The following COL23A1 variants were observed in gnomAD, a reference collection of about 807,000 sequenced individuals.
COL23A1 encodes the protein collagen type XXIII alpha 1 chain.
Under a neutral mutation model 99.3 loss-of-function variants are expected in COL23A1, and 97 were observed. That is an observed-to-expected ratio of 0.98 (90% confidence interval 0.83 to 1.16). The LOEUF (loss-of-function observed/expected upper bound fraction) is 1.16. Among genes scored for constraint, COL23A1 ranks in the 50% most tolerant of loss-of-function variants. COL23A1 has a pLI of 0.00. For synonymous variants in COL23A1, 320 were observed against 308.2 expected (o/e 1.04, Z -0.40); for missense variants, 762 against 757.4 (o/e 1.01, Z -0.07).
chr5:178,537,370 C>T (rs1405602127), intron 2 of COL23A1, among the ~76,000 whole-genome samples: 1 of 152,232 alleles, frequency 6.6e-6, no homozygotes, highest in South Asian at 2.1e-4. Flanking sequence ...TCAGAAACCA[C>T]TGGCCTCAGC....
At chr5:178,393,441 T>C (rs1359342535) in intron 2 of COL23A1, among the ~76,000 whole-genome samples, 1 of 152,160 alleles carries the variant, frequency 6.6e-6, no homozygotes, top group African/African-American at 2.4e-5. Flanking sequence ...ATGTAAACAG[T>C]TCTGATGATG....
intron 2 of COL23A1, among the ~76,000 whole-genome samples, chr5:178,559,228 G>A (rs1333471327): frequency 2.0e-5 from 3 of 152,160 alleles, no homozygotes; most frequent in South Asian, 2.1e-4. Context: ...CCTCAGAGAC[G>A]GAATTTTCAC....
At chr5:178,254,278 C>A (rs1765188984) in intron 16 of COL23A1, among the ~76,000 whole-genome samples, 1 of 128,060 alleles carries the variant, frequency 7.8e-6, no homozygotes. Context: ...TGCCACGCCA[C>A]ACCACGCCAC....
At chr5:178,456,404 A>C (rs1218148790) in intron 2 of COL23A1, among the ~76,000 whole-genome samples, 1 of 152,218 alleles carries the variant, frequency 6.6e-6, no homozygotes, top group Non-Finnish European at 1.5e-5. Flanking sequence ...ACAGTCAAAA[A>C]ACTCGAGAGT....
chr5:178,408,039 C>T (rs1764855450), intron 2 of COL23A1, among the ~76,000 whole-genome samples: 1 of 152,186 alleles, frequency 6.6e-6, no homozygotes, highest in Non-Finnish European at 1.5e-5. Context: ...CAAGAAATAT[C>T]ACAGTCAACT....
chr5:178,426,475 A>G (rs934568935), intron 2 of COL23A1, among the ~76,000 whole-genome samples: 1 of 152,174 alleles, frequency 6.6e-6, no homozygotes, highest in African/African-American at 2.4e-5. Context: ...CGCATGTCCC[A>G]CTGCCGGACA....
chr5:178,537,479 T>C (rs1249612701), intron 2 of COL23A1, among the ~76,000 whole-genome samples: 1 of 152,050 alleles, frequency 6.6e-6, no homozygotes, highest in Non-Finnish European at 1.5e-5. Context: ...GAGAACAGTG[T>C]CCACAGATGC....
At chr5:178,538,823 C>G (rs528993782) in intron 2 of COL23A1, among the ~76,000 whole-genome samples, 1 of 152,324 alleles carries the variant, frequency 6.6e-6, no homozygotes, top group South Asian at 2.1e-4. Flanking sequence ...TGGAAACCCA[C>G]ATGTCCATCA....
chr5:178,578,170 T>G (rs1763488424), intron 1 of COL23A1, among the ~76,000 whole-genome samples: 1 of 151,570 alleles, frequency 6.6e-6, no homozygotes, highest in African/African-American at 2.4e-5. Context: ...CATACTTACG[T>G]GCATATGCAT....
chr5:178,360,249 T>G (rs77884814), intron 2 of COL23A1, among the ~76,000 whole-genome samples: 16,387 of 152,206 alleles, frequency 0.11, 1,008 homozygotes, highest in Middle Eastern at 0.27. Flanking sequence ...GATTTCTCAG[T>G]TGCGAAAACC....
intron 2 of COL23A1, among the ~76,000 whole-genome samples, chr5:178,528,087 G>A (rs1562056602): frequency 2.0e-5 from 3 of 152,140 alleles, no homozygotes; most frequent in South Asian, 4.1e-4. Flanking sequence ...CCTCAGATGC[G>A]GTTCCTGCTC....
intron 2 of COL23A1, among the ~76,000 whole-genome samples, chr5:178,374,539 C>T (rs1351800710): frequency 6.6e-6 from 1 of 152,216 alleles, no homozygotes; most frequent in East Asian, 1.9e-4. Flanking sequence ...CCACCTGTGA[C>T]TTCTCTGTGC....
intron 2 of COL23A1, among the ~76,000 whole-genome samples, chr5:178,323,732 C>T (rs28654793): frequency 0.019 from 2,828 of 152,270 alleles, 96 homozygotes; most frequent in African/African-American, 0.065. Context: ...GGCGCTGGAA[C>T]GCTGCAGGGA....
At position 178,268,775 on chromosome 5, in the gene COL23A1, G is replaced by A; in HGVS notation, c.469-19C>T. ...GAAGTCCCTGGAAAAGGAAAGTGGA[G>A]AAAGAACAGACCTGAGTGAGGGGCC... On this transcript the variant is annotated intron_variant, in intron 6 of 28. Transcript: ENST00000390654. The A allele has an allele frequency of 6.2e-7, 1 of 1,602,668 alleles. No individual in the cohort carries two copies. Among genetic ancestry groups the A allele is most frequent in the South Asian group, 1.1e-5 (1 of 88,702 alleles).
intron 2 of COL23A1, among the ~76,000 whole-genome samples, chr5:178,329,948 AAAAAG>A (rs1759916421): frequency 1.3e-5 from 2 of 151,880 alleles, no homozygotes; most frequent in Admixed American, 1.3e-4. Context: ...AAAAAAAAAA[AAAAAG>A]AAGAAAGAAA....
intron 1 of COL23A1, among the ~76,000 whole-genome samples, chr5:178,579,957 G>A (rs902996201): frequency 6.6e-6 from 1 of 152,168 alleles, no homozygotes; most frequent in African/African-American, 2.4e-5. Context: ...GGGGCCAATC[G>A]CTGCCCCTCT....
rs755594647 is a variant in COL23A1, at chr5:178,544,831, C to A, written c.361+15851G>T. 6.6e-6 allele frequency among the ~76,000 whole-genome samples: 1 copy of A among 152,136 alleles called. No individual in the cohort carries two copies. The highest frequency in any genetic ancestry group is 1.5e-5 in the Non-Finnish European group (1 of 68,012). Reference sequence around the variant, plus strand: ...ACCCCAGCACTTTGGGAGGCCAAAGCGGGTGGATTGGTGGAGCCCAGGAGT... The same window carrying A: ...ACCCCAGCACTTTGGGAGGCCAAAGAGGGTGGATTGGTGGAGCCCAGGAGT... On this transcript the variant is annotated intron_variant, in intron 2 of 28. Coordinates refer to ENST00000390654, the MANE Select transcript of COL23A1 (RefSeq NM_173465.4). The surrounding 1 kb of genome is among the most constrained non-coding windows in gnomAD (Gnocchi z 4.4).
chr5:178,534,508 G>A (rs1002910382), intron 2 of COL23A1, among the ~76,000 whole-genome samples: 9 of 131,538 alleles, frequency 6.8e-5, no homozygotes, highest in South Asian at 2.2e-4. Flanking sequence ...AGGCCAGGGC[G>A]GTGGCTCACA....
At chr5:178,285,148 A>G (rs1299928254) in intron 5 of COL23A1, among the ~76,000 whole-genome samples, 1 of 152,146 alleles carries the variant, frequency 6.6e-6, no homozygotes. Flanking sequence ...AACCTGCCCC[A>G]CAGATGTGGG....
Sources: allele counts gnomAD v4.1 joint callset (sites outside exome capture counted in the v4.1 genomes callset), GRCh38; gene constraint gnomAD v4.1.1; non-coding constraint Gnocchi (gnomAD v3.1); transcripts MANE v1.5; gene names NCBI Gene and HGNC (gene_info 2026-07-23, HGNC 2026-07-21).